The following PRDM5 variants were observed in gnomAD, a reference collection of about 807,000 sequenced individuals.
PRDM5 encodes PR/SET domain 5, also known as PR domain zinc finger protein 5.
Under a neutral mutation model 81.2 loss-of-function variants are expected in PRDM5, and 56 were observed. That is an observed-to-expected ratio of 0.69 (90% CI 0.56 to 0.86). The LOEUF (loss-of-function observed/expected upper bound fraction) is 0.86. Ranked by LOEUF, PRDM5 falls within the 40% of genes least tolerant of loss-of-function variation. The pLI is 0.00. For synonymous variants in PRDM5, 267 were observed against 256.4 expected (o/e 1.04, Z -0.39); for missense variants, 697 against 770.1 (o/e 0.91, Z 1.12).
At chr4:120,738,734 A>G (rs58733140) in intron 14 of PRDM5, among the ~76,000 whole-genome samples, 5,211 of 152,282 alleles carry the variant, frequency 0.034, 303 homozygotes, top group African/African-American at 0.12. Flanking sequence ...AGCTCTGTCC[A>G]TAAATGTTTA....
At chr4:120,711,546 A>G (rs28532205) in intron 14 of PRDM5, among the ~76,000 whole-genome samples, 4,838 of 151,240 alleles carry the variant, frequency 0.032, 261 homozygotes, top group African/African-American at 0.11. Context: ...CTGACCTCAA[A>G]TTATCCACCT....
intron 5 of PRDM5, chr4:120,818,101 A>T: frequency 2.4e-6 from 1 of 411,832 alleles, no homozygotes; most frequent in East Asian, 4.4e-5. Context: ...AAATGGACAA[A>T]AACTAATTAC....
intron 2 of PRDM5, among the ~76,000 whole-genome samples, chr4:120,887,364 A>T (rs55841702): frequency 0.093 from 14,184 of 152,042 alleles, 816 homozygotes; most frequent in South Asian, 0.2. Context: ...ACTCCAAGCC[A>T]CCATCAAATC....
intron 1 of PRDM5, among the ~76,000 whole-genome samples, chr4:120,912,584 A>C (rs143378606): frequency 1.2e-4 from 19 of 152,324 alleles, no homozygotes; most frequent in Non-Finnish European, 2.4e-4. Flanking sequence ...TTCAAAAATA[A>C]ATAGCTATAA....
chr4:120,721,532 A>G (rs957766920), intron 14 of PRDM5, among the ~76,000 whole-genome samples: 2 of 152,174 alleles, frequency 1.3e-5, no homozygotes, highest in African/African-American at 2.4e-5. Context: ...TACTACTACT[A>G]TTATACTCTA....
At chr4:120,725,544 T>G (rs111672527) in intron 14 of PRDM5, among the ~76,000 whole-genome samples, 8 of 152,172 alleles carry the variant, frequency 5.3e-5, no homozygotes, top group Admixed American at 2.0e-4. Context: ...GTTCAGTGTG[T>G]TCCTTGAGAA....
chr4:120,770,040 GTTTA>G (rs918280097), intron 13 of PRDM5, among the ~76,000 whole-genome samples: 13 of 133,976 alleles, frequency 9.7e-5, no homozygotes, highest in African/African-American at 3.1e-4. Context: ...TTGTTTGTTT[GTTTA>G]TTTTTTGAGG....
At chr4:120,797,052 C>T in intron 10 of PRDM5, among the ~76,000 whole-genome samples, 1 of 152,134 alleles carries the variant, frequency 6.6e-6, no homozygotes, top group Non-Finnish European at 1.5e-5. Flanking sequence ...CTACATGATA[C>T]ATTCTGAAAC....
chr4:120,728,461 T>A (rs1018812131), intron 14 of PRDM5, among the ~76,000 whole-genome samples: 2 of 152,064 alleles, frequency 1.3e-5, no homozygotes, highest in Non-Finnish European at 2.9e-5. Flanking sequence ...ATATATATAT[T>A]TTTTTCTGAT....
Position 120,697,317 on chromosome 4 carries a change from A to T in PRDM5, c.1729-2042T>A, listed in dbSNP as rs1276628883. Among the ~76,000 whole-genome samples, 16 of 152,262 alleles carry T rather than the reference A, an allele frequency of 1.1e-4. No individual in the cohort carries two copies. The East Asian group carries it at 2.5e-3, about 24-fold the overall frequency. ...AGAAGAATCTTGGATAGACAGAGAG[A>T]GAGCAAGCCTTTGAAGAACCAGGAG... On this transcript the variant is annotated intron_variant, in intron 15 of 15. Coordinates refer to ENST00000264808, the MANE Select transcript of PRDM5 (RefSeq NM_018699.4).
At chr4:120,776,455 T>C (rs966861353) in intron 13 of PRDM5, among the ~76,000 whole-genome samples, 8 of 152,096 alleles carry the variant, frequency 5.3e-5, no homozygotes, top group Non-Finnish European at 1.2e-4. Context: ...AAGAGGAAGC[T>C]TCAGCTGTAT....
At chr4:120,767,439 T>C (rs962257656) in intron 13 of PRDM5, among the ~76,000 whole-genome samples, 2 of 152,142 alleles carry the variant, frequency 1.3e-5, no homozygotes, top group Non-Finnish European at 2.9e-5. Flanking sequence ...TTATTTGATA[T>C]CATAAAAAAG....
intron 14 of PRDM5, among the ~76,000 whole-genome samples, chr4:120,718,094 G>A (rs982223275): frequency 1.3e-5 from 2 of 152,182 alleles, no homozygotes; most frequent in Non-Finnish European, 2.9e-5. Flanking sequence ...TTCAACTTGC[G>A]AGTGAAACAC....
chr4:120,768,005 G>C (rs551047759), intron 13 of PRDM5, among the ~76,000 whole-genome samples: 4 of 152,132 alleles, frequency 2.6e-5, no homozygotes, highest in African/African-American at 9.7e-5. Flanking sequence ...CTGTGAGTCC[G>C]TTAAACCTCT....
At chr4:120,916,052 C>G (rs1042400746) in intron 1 of PRDM5, among the ~76,000 whole-genome samples, 10 of 152,112 alleles carry the variant, frequency 6.6e-5, no homozygotes, top group African/African-American at 1.7e-4. Flanking sequence ...AAATGAAGTT[C>G]TTCAGCATTC....
rs541194992 is a variant in PRDM5, at chr4:120,694,990, A to T, written c.*121T>A. 2.5e-6 allele frequency: 3 copies of T among 1,198,048 alleles called. No individual in the cohort carries two copies. Among genetic ancestry groups the T allele is most frequent in the African/African-American group, 1.5e-5 (1 of 66,662 alleles). The allele number at this position is 1,198,048 out of a possible 1,614,324, so 74.2% of individuals were successfully genotyped here. A position where few individuals can be genotyped will look rare whatever the true frequency, so the allele number is the denominator to read the frequency against. On this transcript the variant is annotated 3_prime_UTR_variant, in exon 16 of 16. Transcript: ENST00000264808. ...CATCTACAGACTCTAAATGTAGGCA[A>T]ATAAGAACTATGAGACCAGTAAGTC...
chr4:120,868,149 T>A, intron 2 of PRDM5, among the ~76,000 whole-genome samples: 1 of 152,204 alleles, frequency 6.6e-6, no homozygotes, highest in East Asian at 1.9e-4. Flanking sequence ...ATATCTATAG[T>A]TCTTGGGCTT....
At chr4:120,783,753 A>G (rs773539936) in intron 11 of PRDM5, among the ~76,000 whole-genome samples, 22 of 152,250 alleles carry the variant, frequency 1.4e-4, no homozygotes, top group Middle Eastern at 6.8e-3. Context: ...ACTTCTTTAG[A>G]CCTGTAAGCT....
intron 15 of PRDM5, among the ~76,000 whole-genome samples, chr4:120,700,976 T>C (rs571866506): frequency 6.6e-6 from 1 of 151,918 alleles, no homozygotes. Context: ...AATACAAAAA[T>C]TAGCTGGGTG....
Sources: allele counts gnomAD v4.1 joint callset (sites outside exome capture counted in the v4.1 genomes callset), GRCh38; gene constraint gnomAD v4.1.1; transcripts MANE v1.5; gene names NCBI Gene and HGNC (gene_info 2026-07-23, HGNC 2026-07-21).